Variants in TMEM170B observed in about 807,000 individuals in gnomAD.
The protein encoded by TMEM170B is transmembrane protein 170B.
TMEM170B carries 6 observed loss-of-function variants against 13.0 expected under a neutral mutation model. That is an observed-to-expected ratio of 0.46 (90% confidence interval 0.25 to 0.91). The LOEUF (loss-of-function observed/expected upper bound fraction) is 0.91. Ranked by LOEUF, TMEM170B falls within the 40% of genes least tolerant of loss-of-function variation. TMEM170B has a pLI of 0.17. For synonymous variants in TMEM170B, 61 were observed against 64.9 expected (o/e 0.94, Z 0.29); for missense variants, 138 against 165.2 (o/e 0.84, Z 0.90).
At position 11,583,060 on chromosome 6, in the gene TMEM170B, G is replaced by A. The variant is rs971516978; in HGVS notation, c.*7499G>A. The A allele has an allele frequency of 3.3e-5, 5 of 152,052 alleles. No individual in the cohort carries two copies. The highest frequency in any genetic ancestry group is 4.8e-5 in the African/African-American group (2 of 41,394). 9.4% of individuals were successfully genotyped at this position (152,052 alleles called of 1,614,324 possible). The stretch of plus-strand genomic sequence containing the variant: ...TATGTATATAGCATAATTTCCTGGA[G>A]AACACAAATTTTGCAGTGAATTTTA... On this transcript the variant is annotated 3_prime_UTR_variant, in exon 3 of 3. Transcript: ENST00000379426.
chr6:11,568,050 G>A (rs1385182514), intron 2 of TMEM170B, among the ~76,000 whole-genome samples: 3 of 152,194 alleles, frequency 2.0e-5, no homozygotes, highest in East Asian at 1.9e-4. Flanking sequence ...ACAGTACCTA[G>A]AACATAATGG....
At chr6:11,539,833 A>G (rs1419977978) in intron 1 of TMEM170B, among the ~76,000 whole-genome samples, 1 of 152,234 alleles carries the variant, frequency 6.6e-6, no homozygotes, top group African/African-American at 2.4e-5. Flanking sequence ...AATGAAAAGT[A>G]GGGACTTAAC....
At chr6:11,547,123 A>G (rs1561907341) in intron 1 of TMEM170B, among the ~76,000 whole-genome samples, 1 of 152,254 alleles carries the variant, frequency 6.6e-6, no homozygotes, top group Non-Finnish European at 1.5e-5. Context: ...TATTTAGGAT[A>G]TGTATACACA....
Position 11,575,513 on chromosome 6 carries a change from T to C in TMEM170B, c.351T>C (p.Thr117=). The part of the protein sequence containing the change: ...LEALVWGVGQ[T]VLTLIISFSR... ...CGCTGGTATGGGGCGTTGGACAGAC[T>C]GTACTGACATTAATCATCTCCTTTT... Residue 117 remains threonine, a synonymous_variant, in exon 3 of 3, where the codon ACT becomes ACC. Coordinates refer to ENST00000379426, the MANE Select transcript of TMEM170B (RefSeq NM_001100829.3). This position sits in a 1 kb window ranked among gnomAD's most constrained non-coding sequence, Gnocchi z 4.1. The C allele has an allele frequency of 6.2e-6, 10 of 1,613,450 alleles. No homozygotes were observed. Among genetic ancestry groups the C allele is most frequent in the Non-Finnish European group, 8.5e-6 (10 of 1,179,562 alleles).
chr6:11,573,543 G>C (rs770514912), intron 2 of TMEM170B, among the ~76,000 whole-genome samples: 1 of 152,200 alleles, frequency 6.6e-6, no homozygotes, highest in African/African-American at 2.4e-5. Context: ...TGATTGTCCA[G>C]TGTAACACAG....
intron 2 of TMEM170B, among the ~76,000 whole-genome samples, chr6:11,566,952 T>C (rs926781606): frequency 1.3e-5 from 2 of 152,222 alleles, no homozygotes; most frequent in South Asian, 2.1e-4. Flanking sequence ...CTTACGCATT[T>C]CCTGAGATTT....
intron 1 of TMEM170B, among the ~76,000 whole-genome samples, chr6:11,548,813 T>A (rs151107915): frequency 0.018 from 2,728 of 151,994 alleles, 64 homozygotes; most frequent in African/African-American, 0.061. Flanking sequence ...CTGAGCAAAC[T>A]GTCGCAAGGA....
At chr6:11,547,388 G>GT (rs1157153435) in intron 1 of TMEM170B, among the ~76,000 whole-genome samples, 1 of 152,026 alleles carries the variant, frequency 6.6e-6, no homozygotes, top group Non-Finnish European at 1.5e-5. Context: ...CCTAAATGCT[G>GT]TATTATAGGA....
chr6:11,554,682 G>T (rs1472605149), intron 1 of TMEM170B, among the ~76,000 whole-genome samples: 2 of 152,086 alleles, frequency 1.3e-5, no homozygotes, highest in Non-Finnish European at 2.9e-5. Context: ...TAATTAGCAA[G>T]CAAAAGGGTA....
intron 1 of TMEM170B, among the ~76,000 whole-genome samples, chr6:11,556,830 CT>C (rs1759596231): frequency 6.6e-6 from 1 of 152,130 alleles, no homozygotes; most frequent in Admixed American, 6.5e-5. Flanking sequence ...CTGCCCTCCC[CT>C]AATGGCTAAG....
intron 1 of TMEM170B, among the ~76,000 whole-genome samples, chr6:11,563,538 G>A (rs1251567132): frequency 6.6e-6 from 1 of 152,170 alleles, no homozygotes; most frequent in Non-Finnish European, 1.5e-5. Flanking sequence ...GAAAGTCTGC[G>A]CTTCCCATAT....
chr6:11,551,196 T>C (rs1325206164), intron 1 of TMEM170B, among the ~76,000 whole-genome samples: 1 of 152,088 alleles, frequency 6.6e-6, no homozygotes, highest in African/African-American at 2.4e-5. Flanking sequence ...CTCACAACTG[T>C]TTTTTTCAGA....
At chr6:11,544,438 T>G (rs16868542) in intron 1 of TMEM170B, among the ~76,000 whole-genome samples, 8,792 of 152,244 alleles carry the variant, frequency 0.058, 275 homozygotes, top group East Asian at 0.16. Flanking sequence ...AGTGTTTGCA[T>G]CAGTGAGCCT....
intron 1 of TMEM170B, among the ~76,000 whole-genome samples, chr6:11,547,236 G>A (rs928491038): frequency 8.5e-5 from 13 of 152,074 alleles, no homozygotes; most frequent in African/African-American, 2.9e-4. Context: ...ATAAAAGAAA[G>A]TGAATATTTA....
intron 2 of TMEM170B, among the ~76,000 whole-genome samples, chr6:11,572,109 T>C (rs1347639103): frequency 6.6e-6 from 1 of 152,194 alleles, no homozygotes; most frequent in Non-Finnish European, 1.5e-5. Context: ...TTTGGCACTA[T>C]CTAGTCAAGT....
At chr6:11,566,166 AC>A (rs1427149241) in intron 2 of TMEM170B, among the ~76,000 whole-genome samples, 1 of 152,218 alleles carries the variant, frequency 6.6e-6, no homozygotes, top group Non-Finnish European at 1.5e-5. Flanking sequence ...CTAGGAAAAA[AC>A]AAAGGCATAA....
intron 1 of TMEM170B, among the ~76,000 whole-genome samples, chr6:11,553,443 G>T (rs1241475872): frequency 6.6e-6 from 1 of 152,090 alleles, no homozygotes; most frequent in Non-Finnish European, 1.5e-5. Context: ...GATAATTGGG[G>T]TTCTGCTAAA....
intron 1 of TMEM170B, among the ~76,000 whole-genome samples, chr6:11,547,393 A>G (rs1759453819): frequency 6.6e-6 from 1 of 151,962 alleles, no homozygotes; most frequent in South Asian, 2.1e-4. Context: ...ATGCTGTATT[A>G]TAGGAGGTGA....
chr6:11,568,972 A>G (rs1759767212), intron 2 of TMEM170B, among the ~76,000 whole-genome samples: 1 of 152,166 alleles, frequency 6.6e-6, no homozygotes, highest in Non-Finnish European at 1.5e-5. Context: ...TATAATGTCT[A>G]ATTTTAGCTG....
Sources: gnomAD v4.1 joint callset for allele counts (sites outside exome capture counted in the v4.1 genomes callset) on GRCh38, gnomAD v4.1.1 for gene constraint, Gnocchi (gnomAD v3.1) non-coding constraint, MANE v1.5 for transcripts, NCBI Gene and HGNC (gene_info 2026-07-23, HGNC 2026-07-21) for gene names.